SMIM22: variants seen among roughly 807,000 people sequenced by gnomAD.
The protein encoded by SMIM22 is small integral membrane protein 22, also known as cancer associated small integral membrane open reading frame 1.
SMIM22 carries 16 observed loss-of-function variants against 8.4 expected under a neutral mutation model. The ratio of observed to expected loss-of-function variants is 1.90; its 90% CI spans 1.29 to 2.89. SMIM22 has a LOEUF of 2.89. Ranked by LOEUF, SMIM22 falls within the 30% of genes most tolerant of loss-of-function variation. The probability of loss-of-function intolerance (pLI) is 0.00; values close to 1 mark genes in which losing one functional copy is unlikely to be tolerated. For missense variants in SMIM22, 159 were observed against 107.5 expected, an observed-to-expected ratio of 1.48 and a Z score of -2.12; for synonymous variants, 67 against 47.6, an observed-to-expected ratio of 1.41 and a Z score of -1.68.
At position 4,795,853 on chromosome 16, in the gene SMIM22, T is replaced by A; in HGVS notation, c.119T>A (p.Phe40Tyr). 1 of 1,535,866 alleles carries A rather than the reference T, an allele frequency of 6.5e-7. No homozygotes were observed. Among genetic ancestry groups the A allele is most frequent in the South Asian group, 1.2e-5 (1 of 84,062 alleles). ...DTVAFIVFLT[F>Y]MGTVLLLLLL... Reference sequence around the variant, plus strand: ...GTTGCCTTCATTGTTTTCCTCACCTTCATGGGTAAGTGTGGCTGTGGCCTC... The same window carrying A: ...GTTGCCTTCATTGTTTTCCTCACCTACATGGGTAAGTGTGGCTGTGGCCTC... Residue 40 changes from phenylalanine to tyrosine, a missense_variant, in exon 2 of 4, where the codon TTC becomes TAC. Physicochemically the swap from Phe to Tyr is conservative, Grantham distance 22. Transcript: ENST00000586005.
chr16:4,793,821 C>T (rs960628762), upstream of SMIM22, among the ~76,000 whole-genome samples: 4 of 151,780 alleles, frequency 2.6e-5, no homozygotes, highest in African/African-American at 4.8e-5. Flanking sequence ...CTGTCACCCA[C>T]GCTAGAGTGC....
At position 4,795,980 on chromosome 16, in the gene SMIM22, G is replaced by A. The variant is rs1247201508; in HGVS notation, c.157G>A (p.Ala53Thr). The change falls in exon 3 of 4, where the codon GCC becomes ACC. Residue 53 changes from alanine (A) to threonine (T), a missense_variant. Transcript: ENST00000586005. Reference sequence around the variant, plus strand: ...GCTGCTCCTGCTGCTGCTGGTCGTCGCCCACTGCTGCTGCTGCAGCTCCCC... The same window carrying A: ...GCTGCTCCTGCTGCTGCTGGTCGTCACCCACTGCTGCTGCTGCAGCTCCCC... ...TVLLLLLLVV[A>T]HCCCCSSPGP... is the part of the protein sequence containing the mutation. 6.6e-6 allele frequency: 10 copies of A among 1,504,862 alleles called. No individual in the cohort carries two copies. The highest frequency in any genetic ancestry group is 2.6e-5 in the South Asian group (2 of 78,360). 93.2% of individuals were successfully genotyped at this position (1,504,862 alleles called of 1,614,324 possible). A position where few individuals can be genotyped will look rare whatever the true frequency, so the allele number is the denominator to read the frequency against.
At chr16:4,790,040 T>C (rs2082527685) in intron 2 of SMIM22, 1 of 151,708 alleles carries the variant, frequency 6.6e-6, no homozygotes, top group African/African-American at 2.4e-5. Flanking sequence ...CCAGCCTCCC[T>C]AGTAGCTGGG....
chr16:4,789,263 TG>T (rs1327279807), intron 2 of SMIM22, among the ~76,000 whole-genome samples: 3 of 152,174 alleles, frequency 2.0e-5, no homozygotes, highest in South Asian at 2.1e-4. Flanking sequence ...CCACCAACCC[TG>T]GTCTCCCAAA....
At chr16:4,796,160 C>G (rs986743984) in intron 3 of SMIM22, 30 bp from the exon 4 acceptor site, 37 of 1,535,864 alleles carry the variant, frequency 2.4e-5, no homozygotes, top group Non-Finnish European at 3.2e-5. Context: ...ACGAGCGAAC[C>G]TGCTTGGTCC....
Position 4,795,953 on chromosome 16 carries a change from G to T in SMIM22, c.130G>T (p.Val44Leu), listed in dbSNP as rs1164467761. 1 of 1,508,158 alleles carries T rather than the reference G, an allele frequency of 6.6e-7. No individual in the cohort carries two copies. The allele number at this position is 1,508,158 out of a possible 1,614,324, so 93.4% of individuals were successfully genotyped here. A position where few individuals can be genotyped will look rare whatever the true frequency, so the allele number is the denominator to read the frequency against. ...FIVFLTFMGT[V>L]LLLLLLVVAH... ...GACGCCTGTCCTGTCCCCAGGCACC[G>T]TGCTGCTCCTGCTGCTGCTGGTCGT... Residue 44 changes from valine (V) to leucine (L), a missense_variant, in exon 3 of 4, where the codon GTG (valine) becomes TTG (leucine). By Grantham distance (32) the Val-to-Leu change is conservative (BLOSUM62 1). Coordinates refer to ENST00000586005, the MANE Select transcript of SMIM22 (RefSeq NM_001253794.2).
upstream of SMIM22, among the ~76,000 whole-genome samples, chr16:4,791,866 T>A (rs558071231): frequency 6.6e-6 from 1 of 152,094 alleles, no homozygotes; most frequent in South Asian, 2.1e-4. Context: ...TTTTGTATTT[T>A]TAGTAGAGAC....
intron 2 of SMIM22, chr16:4,790,120 C>T (rs2082529309): frequency 6.6e-6 from 1 of 152,016 alleles, no homozygotes; most frequent in South Asian, 2.1e-4. Context: ...CCCTATGTTG[C>T]CCAAGATTGT....
At chr16:4,790,076 G>T (rs2082528370) in intron 2 of SMIM22, 1 of 151,784 alleles carries the variant, frequency 6.6e-6, no homozygotes, top group Non-Finnish European at 1.5e-5. Flanking sequence ...ACCATGCTGG[G>T]CTAATTTTTT....
At chr16:4,790,859 G>C (rs549207585), upstream of SMIM22, among the ~76,000 whole-genome samples, 289 of 152,332 alleles carry the variant, frequency 1.9e-3, 1 homozygote, top group African/African-American at 6.7e-3. Flanking sequence ...GGGCCAGGCA[G>C]GGCCCAGGGT....
rs887656075 is a variant in SMIM22, at chr16:4,796,054, C to T, written c.225+6C>T. The stretch of plus-strand genomic sequence containing the variant: ...GGAAGGTGAGCCCCTGGAAGGTGAG[C>T]CCTGCCGGCCTCTGGGACCTGCACG... On this transcript the variant is annotated splice_donor_region_variant and intron_variant, in intron 3 of 3. Transcript: ENST00000586005. 3 of 1,531,242 alleles carry T rather than the reference C, an allele frequency of 2.0e-6. No homozygotes were observed. Among genetic ancestry groups the T allele is most frequent in the Middle Eastern group, 1.7e-4 (1 of 5,996 alleles). 94.9% of individuals were successfully genotyped at this position (1,531,242 alleles called of 1,614,324 possible).
upstream of SMIM22, among the ~76,000 whole-genome samples, chr16:4,792,410 T>G (rs1338578074): frequency 6.7e-6 from 1 of 150,212 alleles, no homozygotes; most frequent in Non-Finnish European, 1.5e-5. Flanking sequence ...CAGGATGGTC[T>G]CGATCTCCTG....
chr16:4,792,899 C>G (rs988727713), upstream of SMIM22, among the ~76,000 whole-genome samples: 18 of 150,994 alleles, frequency 1.2e-4, 1 homozygote, highest in African/African-American at 4.4e-4. Context: ...CACCTGAGGT[C>G]AGGAGTTTGA....
At chr16:4,791,253 T>C (rs2082546606), upstream of SMIM22, among the ~76,000 whole-genome samples, 1 of 152,066 alleles carries the variant, frequency 6.6e-6, no homozygotes, top group African/African-American at 2.4e-5. Flanking sequence ...GAAAGCATGC[T>C]GTCATCTGGA....
At chr16:4,792,056 G>A (rs982285788), upstream of SMIM22, among the ~76,000 whole-genome samples, 6 of 151,990 alleles carry the variant, frequency 3.9e-5, no homozygotes, top group East Asian at 1.9e-4. Flanking sequence ...TTTCATAATA[G>A]TAACAACAAA....
chr16:4,790,633 C>A (rs1320653421), upstream of SMIM22, among the ~76,000 whole-genome samples: 2 of 152,100 alleles, frequency 1.3e-5, no homozygotes, highest in Admixed American at 6.6e-5. Context: ...ACTAAAAATA[C>A]AAGAATTAGC....
upstream of SMIM22, among the ~76,000 whole-genome samples, chr16:4,791,441 T>A (rs1338531592): frequency 6.6e-6 from 1 of 152,124 alleles, no homozygotes; most frequent in Non-Finnish European, 1.5e-5. Flanking sequence ...GGCTCTGACA[T>A]CGATGATCAG....
chr16:4,789,471 G>A (rs1011748583), intron 2 of SMIM22, among the ~76,000 whole-genome samples: 2 of 151,474 alleles, frequency 1.3e-5, no homozygotes, highest in Non-Finnish European at 2.9e-5. Flanking sequence ...GACTACAGGC[G>A]CCTGCCACCA....
chr16:4,795,283 G>C (rs2082615187), upstream of SMIM22: 1 of 165,910 alleles, frequency 6.0e-6, no homozygotes. Flanking sequence ...GAGCCAGGGA[G>C]CGCACCTGCT....
Sources: allele counts gnomAD v4.1 joint callset (sites outside exome capture counted in the v4.1 genomes callset), GRCh38; gene constraint gnomAD v4.1.1; transcripts MANE v1.5; gene names NCBI Gene and HGNC (gene_info 2026-07-23, HGNC 2026-07-21).